Variants in DEAF1 observed in about 807,000 individuals in gnomAD.
The protein encoded by DEAF1 is deformed epidermal autoregulatory factor 1 homolog.
Under a neutral mutation model 58.9 loss-of-function variants are expected in DEAF1, and 53 were observed. The observed-to-expected ratio is 0.90, with a 90% CI of 0.72 to 1.13. The LOEUF is 1.13. Ranked by LOEUF, DEAF1 falls within the 50% of genes most tolerant of loss-of-function variation. The pLI is 0.00. For synonymous variants in DEAF1, 385 were observed against 340.4 expected (o/e 1.13, Z -1.44); for missense variants, 685 against 791.4 (o/e 0.87, Z 1.61).
intron 11 of DEAF1, among the ~76,000 whole-genome samples, chr11:650,894 C>G (rs1189932094): frequency 6.6e-6 from 1 of 152,092 alleles, no homozygotes; most frequent in African/African-American, 2.4e-5. Context: ...GAGTGAGACT[C>G]TGTCTCAAAA....
upstream of DEAF1, among the ~76,000 whole-genome samples, chr11:698,185 G>A (rs1433935754): frequency 6.6e-6 from 1 of 152,156 alleles, no homozygotes; most frequent in Non-Finnish European, 1.5e-5. Context: ...CAGACAATTA[G>A]TCCGCTCCAG....
In DEAF1 at chr11:644,944, CCT is replaced by C. The variant is rs1231557122; in HGVS notation, c.1594-292_1594-291del. On this transcript the variant is annotated intron_variant, in intron 11 of 11. Transcript: ENST00000382409. The surrounding 1 kb of genome is among the most constrained non-coding windows in gnomAD (Gnocchi z 4.3). The stretch of plus-strand genomic sequence containing the variant: ...TTGGGAGGCCCAGGAGGGTGGATCC[CCT>C]GAGGTCAGGAGTTCGAGACCAGCCT... 6.6e-6 allele frequency among the ~76,000 whole-genome samples: 1 copy of C among 152,224 alleles called. No individual in the cohort carries two copies. The highest frequency in any genetic ancestry group is 6.5e-5 in the Admixed American group (1 of 15,280).
rs558436376 is a variant in DEAF1, at chr11:670,931, G to GTTTTTTTTTTT, written c.1503+3594_1503+3604dup. ...TGGCATGTCACCACACCTGGCTAAT[G>GTTTTTTTTTTT]TTTTTTTTTTTTTTTGAGACAGAGT... On this transcript the variant is annotated intron_variant, in intron 10 of 11. Transcript: ENST00000382409. Among the ~76,000 whole-genome samples the GTTTTTTTTTTT allele has an allele frequency of 5.0e-4, 46 of 91,372 alleles. 7 individuals carry two copies. Among genetic ancestry groups the GTTTTTTTTTTT allele is most frequent in the African/African-American group, 1.3e-3 (25 of 19,508 alleles). 59.9% of individuals were successfully genotyped at this position (91,372 alleles called of 152,430 possible).
chr11:702,837 G>A lies in DEAF1; in HGVS notation c.-438+3735C>T, dbSNP rs557562564. On this transcript the variant is annotated intron_variant, in intron 1 of 11. Coordinates refer to the DEAF1 transcript ENST00000683307. ...GGAATTCCCCAGGCCCCGGAGGAAC[G>A]TAGGGCAAGGAGCTGCTCTGGTCCC... The A allele has an allele frequency of 6.4e-5, 70 of 1,100,034 alleles. No individual in the cohort carries two copies. In the Admixed American group the frequency reaches 6.4e-4, roughly 10 times the overall value. 68.1% of individuals were successfully genotyped at this position (1,100,034 alleles called of 1,614,324 possible). A position where few individuals can be genotyped will look rare whatever the true frequency, so the allele number is the denominator to read the frequency against.
intron 1 of DEAF1, among the ~76,000 whole-genome samples, chr11:702,490 ATTTG>A (rs2133474621): frequency 6.6e-6 from 1 of 152,258 alleles, no homozygotes; most frequent in East Asian, 1.9e-4. Context: ...TGACTGACCC[ATTTG>A]TTTGCTAAAT....
intron 10 of DEAF1, chr11:674,277 C>T: frequency 2.0e-6 from 1 of 500,144 alleles, no homozygotes; most frequent in Non-Finnish European, 3.7e-6. Flanking sequence ...TTCACAACGG[C>T]CGATGCGCAC....
intron 10 of DEAF1, chr11:674,295 T>C: frequency 3.6e-6 from 2 of 551,406 alleles, no homozygotes; most frequent in Non-Finnish European, 6.5e-6. Flanking sequence ...CACAAAATTG[T>C]TTCCCTTTCT....
chr11:695,379 G>A (rs531883141), upstream of DEAF1: 3 of 418,036 alleles, frequency 7.2e-6, no homozygotes, highest in East Asian at 7.1e-5. Context: ...TCCTCACGAG[G>A]GCTTCCGAGA....
At chr11:658,721 G>A (rs1395644512) in intron 10 of DEAF1, among the ~76,000 whole-genome samples, 3 of 152,256 alleles carry the variant, frequency 2.0e-5, no homozygotes, top group Non-Finnish European at 4.4e-5. Context: ...AGAGCACCCT[G>A]CGGGGAGTCC....
upstream of DEAF1, chr11:698,841 C>T (rs117144320): frequency 6.2e-7 from 1 of 1,613,944 alleles, no homozygotes; most frequent in Non-Finnish European, 8.5e-7. Context: ...GGCTGTCAGG[C>T]CTTGCTCACG....
chr11:666,901 A>G lies in DEAF1; in HGVS notation c.1503+7635T>C, dbSNP rs1218143605. Among the ~76,000 whole-genome samples, 4 of 151,724 alleles carry G rather than the reference A, an allele frequency of 2.6e-5. No individual in the cohort carries two copies. The East Asian group carries it at 7.7e-4, about 29-fold the overall frequency. ...AAAAAAAAAAAAAAAAAAAAAAGAA[A>G]AAAAGAAATAGTTATAGCCAGGAGC... On this transcript the variant is annotated intron_variant, in intron 10 of 11. Coordinates refer to ENST00000382409, the MANE Select transcript of DEAF1 (RefSeq NM_021008.4).
intron 10 of DEAF1, among the ~76,000 whole-genome samples, chr11:670,594 A>C (rs1859768736): frequency 6.6e-6 from 1 of 151,600 alleles, no homozygotes. Context: ...ACATACCTGT[A>C]ATCCCAGCTA....
At chr11:658,482 CAGA>C (rs1419954505) in intron 10 of DEAF1, among the ~76,000 whole-genome samples, 2 of 152,234 alleles carry the variant, frequency 1.3e-5, no homozygotes, top group Non-Finnish European at 2.9e-5. Flanking sequence ...GTGTGCGTTG[CAGA>C]AGGTTAGGAC....
chr11:659,228 CAAAAA>C (rs34491245), intron 10 of DEAF1, among the ~76,000 whole-genome samples: 2 of 79,748 alleles, frequency 2.5e-5, no homozygotes, highest in South Asian at 4.0e-4. Flanking sequence ...CCTGTCTCTA[CAAAAA>C]AAAAAAAAAA....
Position 688,291 on chromosome 11 carries a change from C to T in DEAF1, c.517+40G>A, listed in dbSNP as rs752374070. On this transcript the variant is annotated intron_variant, in intron 3 of 11. Transcript: ENST00000382409. The surrounding 1 kb of genome is among the most constrained non-coding windows in gnomAD (Gnocchi z 4.3). ...GAAATAAATTCTAGCTATTCTGAAACGTGTTTTGCCCGAGGCCTGGGGTGC... is the reference window on the plus strand; with the variant it reads ...GAAATAAATTCTAGCTATTCTGAAATGTGTTTTGCCCGAGGCCTGGGGTGC... 134 of 1,603,762 alleles carry T rather than the reference C, an allele frequency of 8.4e-5. No homozygotes were observed. The highest frequency in any genetic ancestry group is 5.5e-5 in the South Asian group (5 of 90,192).
chr11:645,596 G>C (rs533124047), intron 11 of DEAF1, among the ~76,000 whole-genome samples: 3 of 152,334 alleles, frequency 2.0e-5, no homozygotes. Flanking sequence ...GGGATGACAG[G>C]TGTGAGCCAC....
chr11:671,987 C>A (rs542294314), intron 10 of DEAF1, among the ~76,000 whole-genome samples: 1 of 152,148 alleles, frequency 6.6e-6, no homozygotes, highest in Non-Finnish European at 1.5e-5. Context: ...TGAGACCTCC[C>A]CAGCCATGTG....
chr11:660,814 C>T (rs557888937), intron 10 of DEAF1, among the ~76,000 whole-genome samples: 4 of 152,312 alleles, frequency 2.6e-5, no homozygotes, highest in African/African-American at 7.2e-5. Flanking sequence ...TTACAGAAAC[C>T]CCATACCTGG....
At chr11:681,871 C>CG (rs1860390230) in intron 6 of DEAF1, among the ~76,000 whole-genome samples, 1 of 152,144 alleles carries the variant, frequency 6.6e-6, no homozygotes, top group South Asian at 2.1e-4. Flanking sequence ...CCCCAACATC[C>CG]GGACCTCTCC....
Sources: allele counts gnomAD v4.1 joint callset (sites outside exome capture counted in the v4.1 genomes callset), GRCh38; gene constraint gnomAD v4.1.1; non-coding constraint Gnocchi (gnomAD v3.1); transcripts MANE v1.5; gene names NCBI Gene and HGNC (gene_info 2026-07-23, HGNC 2026-07-21).